CFAP57: variants seen among roughly 807,000 people sequenced by gnomAD.
CFAP57 encodes cilia- and flagella-associated protein 57.
CFAP57 carries 116 observed loss-of-function variants against 146.8 expected under a neutral mutation model. That is an observed-to-expected ratio of 0.79 (90% CI 0.68 to 0.92). The LOEUF (loss-of-function observed/expected upper bound fraction) is 0.92. Among genes scored for constraint, CFAP57 ranks in the 40% least tolerant of loss-of-function variants. The pLI is 0.00. For missense variants in CFAP57, 1,377 were observed against 1,527.2 expected (o/e 0.90, Z 1.64); for synonymous variants, 518 against 552.8 (o/e 0.94, Z 0.88).
intron 2 of CFAP57, among the ~76,000 whole-genome samples, chr1:43,176,492 C>T (rs1645176952): frequency 6.6e-6 from 1 of 152,202 alleles, no homozygotes; most frequent in African/African-American, 2.4e-5. Context: ...GTCTCCTCAT[C>T]TGTAAGATGC....
At chr1:43,183,931 T>C (rs772737768) in intron 4 of CFAP57, 54 bp downstream of exon 4, 150 of 1,608,250 alleles carry the variant, frequency 9.3e-5, no homozygotes, top group Non-Finnish European at 1.2e-4. Context: ...GACAGCATTA[T>C]GCAGAAGACA....
At chr1:43,249,597 C>CTTTTTTTTT (rs35050145) in intron 22 of CFAP57, among the ~76,000 whole-genome samples, 1 of 52,650 alleles carries the variant, frequency 1.9e-5, no homozygotes, top group Non-Finnish European at 3.5e-5. Flanking sequence ...ACCCAGCTAA[C>CTTTTTTTTT]TTTTTTTTTT....
intron 2 of CFAP57, among the ~76,000 whole-genome samples, chr1:43,180,795 G>C (rs1321205511): frequency 6.6e-6 from 1 of 152,112 alleles, no homozygotes; most frequent in Non-Finnish European, 1.5e-5. Context: ...GAGTAGAGGA[G>C]GAGTGATGAG....
chr1:43,242,503 A>T (rs1322336259), intron 21 of CFAP57, among the ~76,000 whole-genome samples: 1 of 152,234 alleles, frequency 6.6e-6, no homozygotes, highest in Non-Finnish European at 1.5e-5. Flanking sequence ...CACAAATAAG[A>T]GAAGTGAGCT....
intron 21 of CFAP57, among the ~76,000 whole-genome samples, chr1:43,237,370 C>G (rs1281575106): frequency 6.6e-6 from 1 of 152,212 alleles, no homozygotes; most frequent in East Asian, 1.9e-4. Context: ...TTTATTCATT[C>G]AGTACACATT....
chr1:43,217,908 G>A (rs946711677), intron 12 of CFAP57, among the ~76,000 whole-genome samples: 4 of 152,140 alleles, frequency 2.6e-5, no homozygotes, highest in Admixed American at 6.5e-5. Context: ...ATGGTCTGAC[G>A]CAGTCTTGGC....
intron 16 of CFAP57, among the ~76,000 whole-genome samples, chr1:43,223,390 G>A (rs554949889): frequency 3.3e-5 from 5 of 152,270 alleles, no homozygotes; most frequent in African/African-American, 1.2e-4. Context: ...AGGCATCCTC[G>A]GGCTCTTGGT....
At chr1:43,240,845 AGAG>A (rs1645886208) in intron 21 of CFAP57, among the ~76,000 whole-genome samples, 1 of 152,112 alleles carries the variant, frequency 6.6e-6, no homozygotes, top group African/African-American at 2.4e-5. Flanking sequence ...AGAGAGTAGG[AGAG>A]GAGAAGGGGC....
intron 21 of CFAP57, among the ~76,000 whole-genome samples, chr1:43,240,105 C>G (rs906590775): frequency 6.6e-6 from 1 of 152,192 alleles, no homozygotes; most frequent in Non-Finnish European, 1.5e-5. Flanking sequence ...AAAGGAAATG[C>G]GGGAAACCTA....
chr1:43,231,209 T>C (rs2124604686), intron 18 of CFAP57, among the ~76,000 whole-genome samples: 1 of 152,286 alleles, frequency 6.6e-6, no homozygotes, highest in East Asian at 1.9e-4. Context: ...AGGAAAACCT[T>C]CTAAAAGCTG....
chr1:43,231,045 G>C (rs920568959), intron 18 of CFAP57, among the ~76,000 whole-genome samples: 1 of 152,194 alleles, frequency 6.6e-6, no homozygotes, highest in African/African-American at 2.4e-5. Context: ...CAGAAGCAGG[G>C]TGTTTCAGGC....
chr1:43,251,827 TAGAG>T (rs909047564), intron 22 of CFAP57, among the ~76,000 whole-genome samples: 5 of 152,208 alleles, frequency 3.3e-5, no homozygotes, highest in Non-Finnish European at 5.9e-5. Flanking sequence ...TCGTCTTTCA[TAGAG>T]AGAAGTCAAT....
Position 43,186,738 on chromosome 1 carries a change from G to C in CFAP57, c.1001G>C (p.Ser334Thr), listed in dbSNP as rs999240240. 1.2e-6 allele frequency: 2 copies of C among 1,613,968 alleles called. No homozygotes were observed. Among genetic ancestry groups the C allele is most frequent in the African/African-American group, 2.7e-5 (2 of 74,972 alleles). Residue 334 changes from serine to threonine, a missense_variant, in exon 6 of 23, where the codon AGT (serine) becomes ACT (threonine). Transcript: ENST00000372492. ...IPVDPQSNDP[S>T]QSDKQDVLCL... ...GTGGACCCGCAGAGCAATGATCCAA[G>C]TCAGTCTGACAAACAGGACGTTCTC...
intron 6 of CFAP57, among the ~76,000 whole-genome samples, chr1:43,192,227 T>C (rs536038127): frequency 2.6e-4 from 40 of 152,316 alleles, no homozygotes; most frequent in African/African-American, 9.6e-4. Context: ...TTGAGTTGGG[T>C]GTTCTATATA....
chr1:43,173,449 T>C (rs1352746571), intron 2 of CFAP57, among the ~76,000 whole-genome samples: 2 of 152,250 alleles, frequency 1.3e-5, no homozygotes, highest in African/African-American at 4.8e-5. Context: ...TTGTGACATA[T>C]ACATACAAAA....
At chr1:43,230,622 C>T (rs1234868498) in intron 18 of CFAP57, among the ~76,000 whole-genome samples, 3 of 152,160 alleles carry the variant, frequency 2.0e-5, no homozygotes, top group African/African-American at 4.8e-5. Flanking sequence ...GCTGCCCATG[C>T]CTCTGGTCCT....
chr1:43,198,624 ACT>A lies in CFAP57; in HGVS notation c.1409_1410del (p.Ser470CysfsTer2). 1 of 1,613,164 alleles carries A rather than the reference ACT, an allele frequency of 6.2e-7. No homozygotes were observed. Among genetic ancestry groups the A allele is most frequent in the Non-Finnish European group, 8.5e-7 (1 of 1,179,794 alleles). On this transcript the variant is annotated frameshift_variant, in exon 8 of 23. Coordinates refer to ENST00000372492, the MANE Select transcript of CFAP57 (RefSeq NM_001378189.1). LOFTEE classifies it high-confidence loss of function. ...GATGATATACGTTCTTTCAAAGAATACTCTGTTAGAGGATGCGGAGAGGTAAA... is the reference window on the plus strand; with the variant it reads ...GATGATATACGTTCTTTCAAAGAATACTGTTAGAGGATGCGGAGAGGTAAA...
chr1:43,198,684 T>G, intron 8 of CFAP57, 38 bp downstream of exon 8: 1 of 1,609,450 alleles, frequency 6.2e-7, no homozygotes, highest in Non-Finnish European at 8.5e-7. Flanking sequence ...GTCCAGTTTC[T>G]TAGAAAGCCA....
intron 3 of CFAP57, among the ~76,000 whole-genome samples, chr1:43,182,492 T>C (rs1434400070): frequency 6.6e-6 from 1 of 152,194 alleles, no homozygotes; most frequent in Non-Finnish European, 1.5e-5. Context: ...CTAATCAGTG[T>C]CTCTGGCATA....
Sources: allele counts gnomAD v4.1 joint callset (sites outside exome capture counted in the v4.1 genomes callset), GRCh38; gene constraint gnomAD v4.1.1; transcripts MANE v1.5; gene names NCBI Gene and HGNC (gene_info 2026-07-23, HGNC 2026-07-21).